TMEM41B: variants seen among roughly 807,000 people sequenced by gnomAD.
TMEM41B encodes transmembrane protein 41B.
A neutral mutation model predicts 31.9 loss-of-function variants in TMEM41B; 18 were observed. The observed-to-expected ratio is 0.56, with a 90% CI of 0.39 to 0.84. The LOEUF is 0.84. TMEM41B is among the 40% of genes least tolerant of loss of function. The probability of loss-of-function intolerance (pLI) is 0.00; values close to 1 mark genes in which losing one functional copy is unlikely to be tolerated. For missense variants in TMEM41B, 322 were observed against 348.0 expected (o/e 0.93, Z 0.59); for synonymous variants, 144 against 124.3 (o/e 1.16, Z -1.05).
At chr11:9,283,905 C>T (rs1852779038) in intron 6 of TMEM41B, among the ~76,000 whole-genome samples, 1 of 152,058 alleles carries the variant, frequency 6.6e-6, no homozygotes, top group South Asian at 2.1e-4. Context: ...CTGCCTCAGC[C>T]TCCCGAGTAG....
chr11:9,306,618 G>C (rs531738436), intron 1 of TMEM41B, among the ~76,000 whole-genome samples: 1 of 152,216 alleles, frequency 6.6e-6, no homozygotes, highest in East Asian at 1.9e-4. Context: ...CCCGGGAGGC[G>C]GAGCTTGCAG....
Position 9,312,316 on chromosome 11 carries a change from A to C in TMEM41B, c.121+2005T>G, listed in dbSNP as rs147260469. ...GGAAGACGCTTGAGCCCAGGACTTC[A>C]AGACACCCTGGCCCCTTCTCTACAA... On this transcript the variant is annotated intron_variant, in intron 1 of 6. Coordinates refer to ENST00000528080, the MANE Select transcript of TMEM41B (RefSeq NM_015012.4). Among the ~76,000 whole-genome samples, 35 of 152,280 alleles carry C rather than the reference A, an allele frequency of 2.3e-4. No homozygotes were observed. The East Asian group carries it at 3.1e-3, about 13-fold the overall frequency.
chr11:9,302,699 A>G (rs1853288529), intron 1 of TMEM41B, among the ~76,000 whole-genome samples: 1 of 101,174 alleles, frequency 9.9e-6, no homozygotes, highest in African/African-American at 3.8e-5. Flanking sequence ...ATTATCAGGA[A>G]GCTTGCTGGA....
chr11:9,297,142 T>C (rs1279808225), intron 2 of TMEM41B, among the ~76,000 whole-genome samples: 1 of 152,124 alleles, frequency 6.6e-6, no homozygotes, highest in African/African-American at 2.4e-5. Context: ...TGGAGTGCAG[T>C]GGCGTGATCT....
intron 3 of TMEM41B, among the ~76,000 whole-genome samples, chr11:9,293,696 C>G (rs557567494): frequency 7.0e-4 from 106 of 152,250 alleles, no homozygotes; most frequent in African/African-American, 2.2e-3. Flanking sequence ...ATCCTCCTGC[C>G]TCAGCCTCCT....
intron 1 of TMEM41B, 111 bp downstream of exon 1, chr11:9,314,210 G>T: frequency 3.0e-6 from 4 of 1,338,100 alleles, no homozygotes; most frequent in Non-Finnish European, 3.9e-6. Context: ...CGCGGCGCCA[G>T]CAGGCCCCCC....
In TMEM41B at chr11:9,281,822, A is replaced by T. The variant is rs1408895974; in HGVS notation, c.*1602T>A. ...TCCAAACAACAAAGCCATCAATAGA[A>T]ACAAAAGGCATTTTTCTAGGTGTAT... On this transcript the variant is annotated 3_prime_UTR_variant, in exon 7 of 7. Coordinates refer to ENST00000528080, the MANE Select transcript of TMEM41B (RefSeq NM_015012.4). 2 of 152,228 alleles carry T rather than the reference A, an allele frequency of 1.3e-5. No individual in the cohort carries two copies. The highest frequency in any genetic ancestry group is 2.9e-5 in the Non-Finnish European group (2 of 68,038). The allele number at this position is 152,228 out of a possible 1,614,324, so 9.4% of individuals were successfully genotyped here. A position where few individuals can be genotyped will look rare whatever the true frequency, so the allele number is the denominator to read the frequency against.
At chr11:9,297,111 G>A (rs538384605) in intron 2 of TMEM41B, among the ~76,000 whole-genome samples, 2 of 152,090 alleles carry the variant, frequency 1.3e-5, no homozygotes, top group East Asian at 1.9e-4. Context: ...TTTAGATAGA[G>A]TCCTGCTCTG....
intron 6 of TMEM41B, among the ~76,000 whole-genome samples, chr11:9,285,891 T>A (rs1410005660): frequency 6.7e-6 from 1 of 149,876 alleles, no homozygotes; most frequent in Non-Finnish European, 1.5e-5. Context: ...CTGAGGTAGG[T>A]GGACCATGAG....
chr11:9,288,173 T>C (rs1590372535), intron 4 of TMEM41B: 1 of 376,796 alleles, frequency 2.7e-6, no homozygotes, highest in African/African-American at 2.2e-5. Flanking sequence ...TAACTCATTG[T>C]GCTCACCAAC....
intron 2 of TMEM41B, among the ~76,000 whole-genome samples, chr11:9,298,938 G>A (rs986507064): frequency 6.6e-6 from 1 of 151,920 alleles, no homozygotes; most frequent in African/African-American, 2.4e-5. Flanking sequence ...GATTATACCA[G>A]GGTGGTATTA....
intron 2 of TMEM41B, among the ~76,000 whole-genome samples, chr11:9,296,196 C>G (rs1418377870): frequency 1.3e-5 from 2 of 152,068 alleles, no homozygotes; most frequent in East Asian, 3.9e-4. Context: ...TTTCATGAGA[C>G]AGGCAATTTT....
At chr11:9,305,934 C>T (rs958397000) in intron 1 of TMEM41B, among the ~76,000 whole-genome samples, 39 of 150,920 alleles carry the variant, frequency 2.6e-4, no homozygotes, top group Non-Finnish European at 3.8e-4. Context: ...CCACATTACA[C>T]ACATGTGCCT....
At chr11:9,285,141 G>T (rs553288967) in intron 6 of TMEM41B, among the ~76,000 whole-genome samples, 67 of 142,546 alleles carry the variant, frequency 4.7e-4, no homozygotes, top group Admixed American at 1.6e-3. Context: ...CCGGAGTGCA[G>T]TGGCACAATC....
At position 9,310,286 on chromosome 11, in the gene TMEM41B, G is replaced by A. The variant is rs961269274; in HGVS notation, c.121+4035C>T. Among the ~76,000 whole-genome samples the A allele has an allele frequency of 5.3e-5, 8 of 151,478 alleles. No homozygotes were observed. The East Asian group carries it at 7.8e-4, about 15-fold the overall frequency. On this transcript the variant is annotated intron_variant, in intron 1 of 6. Coordinates refer to ENST00000528080, the MANE Select transcript of TMEM41B (RefSeq NM_015012.4). The stretch of plus-strand genomic sequence containing the variant: ...CCTGACCTCATGTTCCGCCCGCCTC[G>A]GCCTCCCAAAGTGCTGGGATTACAG...
chr11:9,297,850 G>A (rs1458481289), intron 2 of TMEM41B, among the ~76,000 whole-genome samples: 1 of 151,776 alleles, frequency 6.6e-6, no homozygotes, highest in African/African-American at 2.4e-5. Context: ...ACTGACCTAT[G>A]GCTGGGAACA....
chr11:9,300,598 G>T (rs1235200162), intron 1 of TMEM41B, among the ~76,000 whole-genome samples: 1 of 152,076 alleles, frequency 6.6e-6, no homozygotes, highest in Non-Finnish European at 1.5e-5. Flanking sequence ...TATGAACGAG[G>T]CCAGGCGCGG....
At chr11:9,311,172 G>T in intron 1 of TMEM41B, 1 of 1,247,156 alleles carries the variant, frequency 8.0e-7, no homozygotes, top group South Asian at 1.3e-5. Flanking sequence ...GGCGGGGGTA[G>T]GGTGTGGGGA....
At chr11:9,300,431 C>CA (rs1170362281) in intron 1 of TMEM41B, among the ~76,000 whole-genome samples, 1 of 152,112 alleles carries the variant, frequency 6.6e-6, no homozygotes, top group Non-Finnish European at 1.5e-5. Context: ...TAAATATTCA[C>CA]AAATGCAACT....
Sources: gnomAD v4.1 joint callset for allele counts (sites outside exome capture counted in the v4.1 genomes callset) on GRCh38, gnomAD v4.1.1 for gene constraint, MANE v1.5 for transcripts, NCBI Gene and HGNC (gene_info 2026-07-23, HGNC 2026-07-21) for gene names.